The following BBS9 variants were observed in gnomAD, a reference collection of about 807,000 sequenced individuals.
The protein encoded by BBS9 is Bardet-Biedl syndrome 9.
A neutral mutation model predicts 117.7 loss-of-function variants in BBS9; 89 were observed. The observed-to-expected ratio is 0.76, with a 90% CI of 0.64 to 0.90. BBS9 has a LOEUF of 0.90. BBS9 is among the 40% of genes least tolerant of loss of function. The probability of loss-of-function intolerance (pLI) is 0.00; values close to 1 mark genes in which losing one functional copy is unlikely to be tolerated. For missense variants in BBS9, 982 were observed against 1,042.2 expected, an observed-to-expected ratio of 0.94 and a Z score of 0.80; for synonymous variants, 379 against 370.9, an observed-to-expected ratio of 1.02 and a Z score of -0.25.
intron 5 of BBS9, 27 bp downstream of exon 5, chr7:33,177,618 C>A: frequency 7.1e-7 from 1 of 1,415,248 alleles, no homozygotes; most frequent in Non-Finnish European, 1.0e-6. Flanking sequence ...CATGAGTATG[C>A]TATTTCAAGT....
At chr7:33,545,045 C>T (rs1480266601) in intron 21 of BBS9, among the ~76,000 whole-genome samples, 1 of 152,112 alleles carries the variant, frequency 6.6e-6, no homozygotes, top group Admixed American at 6.5e-5. Flanking sequence ...ACCCACCATG[C>T]CCCTGCCAAC....
intron 21 of BBS9, among the ~76,000 whole-genome samples, chr7:33,540,419 G>A (rs1852102540): frequency 6.6e-6 from 1 of 152,196 alleles, no homozygotes; most frequent in African/African-American, 2.4e-5. Flanking sequence ...CTGAGCTTTT[G>A]TTATAGACTT....
intron 9 of BBS9, among the ~76,000 whole-genome samples, chr7:33,323,104 A>T (rs1029624871): frequency 6.6e-6 from 1 of 151,996 alleles, no homozygotes; most frequent in Admixed American, 6.5e-5. Context: ...AATATTCTTG[A>T]TGTTGTTTCA....
chr7:33,288,429 A>G (rs1475106822), intron 9 of BBS9, among the ~76,000 whole-genome samples: 1 of 152,176 alleles, frequency 6.6e-6, no homozygotes, highest in Non-Finnish European at 1.5e-5. Context: ...ATCAAGTAGA[A>G]GATGACAAAA....
intron 8 of BBS9, 97 bp downstream of exon 8, chr7:33,273,292 T>G: frequency 6.4e-6 from 8 of 1,253,854 alleles, no homozygotes; most frequent in Non-Finnish European, 8.0e-6. Flanking sequence ...TAAACATATA[T>G]GAAAACAGTT....
chr7:33,355,429 A>G (rs1161628690), intron 15 of BBS9, among the ~76,000 whole-genome samples: 1 of 151,918 alleles, frequency 6.6e-6, no homozygotes, highest in Non-Finnish European at 1.5e-5. Context: ...TTTTCTTTTA[A>G]GGGATGGTTT....
intron 19 of BBS9, among the ~76,000 whole-genome samples, chr7:33,477,937 G>GT: frequency 6.6e-6 from 1 of 152,220 alleles, no homozygotes; most frequent in African/African-American, 2.4e-5. Context: ...TGTTTGTTGG[G>GT]TTTTTTGGAA....
chr7:33,220,999 T>G (rs1562823118), intron 5 of BBS9, among the ~76,000 whole-genome samples: 1 of 152,250 alleles, frequency 6.6e-6, no homozygotes, highest in Non-Finnish European at 1.5e-5. Flanking sequence ...GTTAGAGGTT[T>G]AGCCGTGCTT....
intron 19 of BBS9, among the ~76,000 whole-genome samples, chr7:33,401,705 T>C (rs554019878): frequency 1.2e-4 from 18 of 152,312 alleles, no homozygotes; most frequent in African/African-American, 4.1e-4. Flanking sequence ...CAAGGTTCCC[T>C]TGATGCAGAT....
intron 19 of BBS9, among the ~76,000 whole-genome samples, chr7:33,397,790 A>T (rs537718894): frequency 6.6e-6 from 1 of 152,156 alleles, no homozygotes; most frequent in East Asian, 1.9e-4. Context: ...ACACATTGTG[A>T]GGGGAAACTA....
At chr7:33,316,592 G>A (rs760981897) in intron 9 of BBS9, among the ~76,000 whole-genome samples, 20 of 152,156 alleles carry the variant, frequency 1.3e-4, no homozygotes, top group Non-Finnish European at 2.4e-4. Flanking sequence ...ATATTCTAAT[G>A]TGTGTATGGT....
chr7:33,406,639 A>G (rs1443381393), intron 19 of BBS9, among the ~76,000 whole-genome samples: 11 of 151,672 alleles, frequency 7.3e-5, no homozygotes, highest in South Asian at 6.3e-4. Context: ...GGTGGTGACA[A>G]AATCTCTCAG....
At chr7:33,279,383 T>C (rs1271367199) in intron 9 of BBS9, among the ~76,000 whole-genome samples, 1 of 152,168 alleles carries the variant, frequency 6.6e-6, no homozygotes, top group Non-Finnish European at 1.5e-5. Flanking sequence ...GCCCACATAT[T>C]TATATTAGGA....
intron 4 of BBS9, among the ~76,000 whole-genome samples, chr7:33,169,861 G>C (rs1438581306): frequency 2.6e-5 from 4 of 151,004 alleles, no homozygotes; most frequent in Non-Finnish European, 5.9e-5. Context: ...ATTGCTTTTG[G>C]TGTTTTAGAT....
intron 9 of BBS9, among the ~76,000 whole-genome samples, chr7:33,324,998 T>C (rs187230115): frequency 6.6e-6 from 1 of 152,350 alleles, no homozygotes; most frequent in Non-Finnish European, 1.5e-5. Context: ...AACCTCCTTG[T>C]ACTTGAATAT....
At chr7:33,622,430 G>T (rs910187537) in intron 21 of BBS9, among the ~76,000 whole-genome samples, 2 of 152,038 alleles carry the variant, frequency 1.3e-5, no homozygotes, top group African/African-American at 4.8e-5. Flanking sequence ...CTTGAAAATT[G>T]TTAAGTGAGT....
chr7:33,173,554 A>G (rs1365898959), intron 4 of BBS9, among the ~76,000 whole-genome samples: 1 of 151,260 alleles, frequency 6.6e-6, no homozygotes, highest in Non-Finnish European at 1.5e-5. Context: ...CCTTGGCAAC[A>G]GAGCGAGACT....
intron 21 of BBS9, among the ~76,000 whole-genome samples, chr7:33,544,467 G>A (rs1852948561): frequency 1.3e-5 from 2 of 152,136 alleles, no homozygotes; most frequent in South Asian, 4.1e-4. Flanking sequence ...TTTCTCTTCT[G>A]GGTCTTAGCC....
At chr7:33,294,832 AT>A (rs1344599603) in intron 9 of BBS9, among the ~76,000 whole-genome samples, 1 of 152,178 alleles carries the variant, frequency 6.6e-6, no homozygotes, top group Non-Finnish European at 1.5e-5. Flanking sequence ...CACAATAAAA[AT>A]GTAAGTTATG....
Sources: gnomAD v4.1 joint callset for allele counts (sites outside exome capture counted in the v4.1 genomes callset) on GRCh38, gnomAD v4.1.1 for gene constraint, MANE v1.5 for transcripts, NCBI Gene and HGNC (gene_info 2026-07-23, HGNC 2026-07-21) for gene names.